Variants in CWC27 observed in about 807,000 individuals in gnomAD.
CWC27 encodes spliceosome-associated protein CWC27 homolog.
In CWC27, 47 loss-of-function variants were observed where a neutral mutation model predicts 63.6. The observed-to-expected ratio is 0.74, with a 90% CI of 0.58 to 0.94. CWC27 has a LOEUF of 0.94. Among genes scored for constraint, CWC27 ranks in the 40% least tolerant of loss-of-function variants. The pLI is 0.00. For synonymous variants in CWC27, 175 were observed against 179.8 expected (o/e 0.97, Z 0.22); for missense variants, 495 against 554.3 (o/e 0.89, Z 1.07).
intron 11 of CWC27, among the ~76,000 whole-genome samples, chr5:64,928,581 G>GACACACACAC (rs147833157): frequency 6.7e-6 from 1 of 149,458 alleles, no homozygotes; most frequent in African/African-American, 2.4e-5. Context: ...AACAAAGTGT[G>GACACACACAC]ACACACACAC....
intron 10 of CWC27, among the ~76,000 whole-genome samples, chr5:64,839,766 C>T (rs1745753715): frequency 6.6e-6 from 1 of 151,850 alleles, no homozygotes; most frequent in Admixed American, 6.6e-5. Flanking sequence ...GCAAAAAGAT[C>T]AGTTAGGAAT....
chr5:64,913,826 A>G (rs542705869), intron 11 of CWC27, among the ~76,000 whole-genome samples: 3 of 152,258 alleles, frequency 2.0e-5, no homozygotes, highest in African/African-American at 7.2e-5. Context: ...CAGGTTCTAT[A>G]GAACCTGATA....
chr5:64,961,257 C>T (rs1227740993), intron 11 of CWC27, among the ~76,000 whole-genome samples: 1 of 152,170 alleles, frequency 6.6e-6, no homozygotes, highest in Non-Finnish European at 1.5e-5. Context: ...GAGACACTAG[C>T]TAAGTAATGT....
chr5:64,929,436 A>G (rs1171564503), intron 11 of CWC27, among the ~76,000 whole-genome samples: 1 of 152,194 alleles, frequency 6.6e-6, no homozygotes, highest in Non-Finnish European at 1.5e-5. Context: ...CCTAGAAGCC[A>G]TCTTGAAAGG....
At chr5:64,880,191 C>T (rs1239688464) in intron 10 of CWC27, among the ~76,000 whole-genome samples, 1 of 151,924 alleles carries the variant, frequency 6.6e-6, no homozygotes, top group African/African-American at 2.4e-5. Context: ...ATGGAAGTTG[C>T]TGCTTTTTAT....
chr5:64,906,759 G>C (rs1299741421), intron 11 of CWC27, among the ~76,000 whole-genome samples: 1 of 152,206 alleles, frequency 6.6e-6, no homozygotes, highest in Non-Finnish European at 1.5e-5. Flanking sequence ...CCTATGTCCT[G>C]AATGGTATTG....
chr5:64,956,007 G>A (rs1227286095), intron 11 of CWC27, among the ~76,000 whole-genome samples: 1 of 152,030 alleles, frequency 6.6e-6, no homozygotes, highest in African/African-American at 2.4e-5. Context: ...AGGTGTGTGG[G>A]CATCAGGAAA....
chr5:64,930,005 G>A (rs568826474), intron 11 of CWC27, among the ~76,000 whole-genome samples: 36 of 151,974 alleles, frequency 2.4e-4, no homozygotes, highest in Admixed American at 5.2e-4. Context: ...TGATGTATTC[G>A]TACAGTGAAA....
At chr5:64,912,374 G>T (rs76468880) in intron 11 of CWC27, among the ~76,000 whole-genome samples, 1 of 151,916 alleles carries the variant, frequency 6.6e-6, no homozygotes, top group African/African-American at 2.4e-5. Flanking sequence ...AGTCCTAAAG[G>T]GACTCCAGAT....
intron 10 of CWC27, among the ~76,000 whole-genome samples, chr5:64,851,534 G>A (rs1746133617): frequency 6.6e-6 from 1 of 152,194 alleles, no homozygotes; most frequent in African/African-American, 2.4e-5. Flanking sequence ...AAATGGCTAA[G>A]AAAATGAGTA....
intron 1 of CWC27, among the ~76,000 whole-genome samples, chr5:64,769,933 G>A (rs1056451956): frequency 6.6e-6 from 1 of 152,182 alleles, no homozygotes; most frequent in African/African-American, 2.4e-5. Context: ...TGCTGTACAA[G>A]GCAGAAGAGT....
In CWC27 at chr5:64,785,642, A is replaced by G; in HGVS notation, c.495+63A>G. On this transcript the variant is annotated intron_variant, in intron 5 of 13. Coordinates refer to ENST00000381070, the MANE Select transcript of CWC27 (RefSeq NM_005869.4). ...TGTCGTTTAAGAGGAATTGATTCTT[A>G]GTATTTTTAAACTATTGGATTAAGG... The G allele has an allele frequency of 2.9e-6, 3 of 1,040,478 alleles. No homozygotes were observed. The East Asian group carries it at 7.8e-5, about 27-fold the overall frequency. 64.5% of individuals were successfully genotyped at this position (1,040,478 alleles called of 1,614,324 possible).
intron 10 of CWC27, among the ~76,000 whole-genome samples, chr5:64,805,723 T>C (rs1325600806): frequency 6.6e-6 from 1 of 152,094 alleles, no homozygotes; most frequent in East Asian, 1.9e-4. Context: ...TACCCTATAA[T>C]ATAAACTATA....
chr5:64,968,026 C>T (rs1299878310), intron 11 of CWC27, among the ~76,000 whole-genome samples: 1 of 151,750 alleles, frequency 6.6e-6, no homozygotes, highest in Non-Finnish European at 1.5e-5. Context: ...TGACAAAGGA[C>T]TTGTATCCAG....
intron 10 of CWC27, among the ~76,000 whole-genome samples, chr5:64,810,845 A>T (rs1460880050): frequency 6.6e-6 from 1 of 152,114 alleles, no homozygotes; most frequent in Non-Finnish European, 1.5e-5. Context: ...TCTTTCACAG[A>T]ACTTTTGCAG....
chr5:64,846,993 C>CAAAAAAAA (rs35090437), intron 10 of CWC27, among the ~76,000 whole-genome samples: 44 of 85,884 alleles, frequency 5.1e-4, no homozygotes, highest in Non-Finnish European at 7.0e-4. Context: ...GACTCCATCT[C>CAAAAAAAA]AAAAAAAAAA....
chr5:64,916,699 C>T (rs1487722938), intron 11 of CWC27, among the ~76,000 whole-genome samples: 1 of 152,126 alleles, frequency 6.6e-6, no homozygotes, highest in Admixed American at 6.6e-5. Context: ...GGGGCAGAAC[C>T]TGTTATCAGA....
At chr5:64,848,400 A>G (rs1392678520) in intron 10 of CWC27, among the ~76,000 whole-genome samples, 1 of 152,204 alleles carries the variant, frequency 6.6e-6, no homozygotes, top group Non-Finnish European at 1.5e-5. Context: ...CAGCTGAATT[A>G]TAGTAAACAT....
intron 13 of CWC27, 145 bp from the exon 14 acceptor site, chr5:65,018,014 C>A: frequency 1.5e-6 from 1 of 658,536 alleles, no homozygotes; most frequent in Non-Finnish European, 2.4e-6. Flanking sequence ...AGTTGGTTTC[C>A]ATGTGGTGTA....
Sources: gnomAD v4.1 joint callset for allele counts (sites outside exome capture counted in the v4.1 genomes callset) on GRCh38, gnomAD v4.1.1 for gene constraint, MANE v1.5 for transcripts, NCBI Gene and HGNC (gene_info 2026-07-23, HGNC 2026-07-21) for gene names.